Variants in DECR1 observed in about 807,000 individuals in gnomAD.
DECR1 encodes the protein 2,4-dienoyl-CoA reductase [(3E)-enoyl-CoA-producing], mitochondrial.
A neutral mutation model predicts 38.8 loss-of-function variants in DECR1; 44 were observed. That is an observed-to-expected ratio of 1.13 (90% CI 0.89 to 1.46). The LOEUF is 1.46. Among genes scored for constraint, DECR1 ranks in the 40% most tolerant of loss-of-function variants. The probability of loss-of-function intolerance (pLI) is 0.00; values close to 1 mark genes in which losing one functional copy is unlikely to be tolerated. For synonymous variants in DECR1, 148 were observed against 135.2 expected, an observed-to-expected ratio of 1.09 and a Z score of -0.66; for missense variants, 428 against 405.5, an observed-to-expected ratio of 1.06 and a Z score of -0.48.
chr8:90,022,099 G>T (rs548546483), intron 5 of DECR1, among the ~76,000 whole-genome samples: 2 of 152,158 alleles, frequency 1.3e-5, no homozygotes, highest in Non-Finnish European at 2.9e-5. Flanking sequence ...GAAGGGTGCG[G>T]GTATTTTCTC....
intron 5 of DECR1, among the ~76,000 whole-genome samples, chr8:90,036,466 G>T (rs926245474): frequency 1.3e-5 from 2 of 152,148 alleles, no homozygotes; most frequent in Admixed American, 1.3e-4. Context: ...GCTGGAGGCA[G>T]AAGTCCCTGC....
rs761704057 is a variant in DECR1, at chr8:90,051,668, T to C, written c.886-9T>C. The C allele has an allele frequency of 6.2e-7, 1 of 1,610,326 alleles. No individual in the cohort carries two copies. Among genetic ancestry groups the C allele is most frequent in the Admixed American group, 1.7e-5 (1 of 59,690 alleles). ...TTAGTTTCAGAGTTTAAAAATTTGT[T>C]TTTTCCAGGTCATTAAATTTGACGG... is the stretch of plus-strand genomic sequence containing the variant. On this transcript the variant is annotated splice_polypyrimidine_tract_variant and intron_variant, in intron 8 of 9. Transcript: ENST00000220764.
At chr8:90,024,938 A>G (rs934333814) in intron 5 of DECR1, among the ~76,000 whole-genome samples, 3 of 152,196 alleles carry the variant, frequency 2.0e-5, no homozygotes, top group Non-Finnish European at 4.4e-5. Flanking sequence ...CTTTCTACAT[A>G]TGGCTAGCCA....
At chr8:90,024,011 T>A (rs552871241) in intron 5 of DECR1, among the ~76,000 whole-genome samples, 8 of 152,300 alleles carry the variant, frequency 5.3e-5, no homozygotes, top group African/African-American at 1.7e-4. Flanking sequence ...AATGATGGTT[T>A]CCAGCTCCAT....
intron 8 of DECR1, among the ~76,000 whole-genome samples, chr8:90,048,733 C>A (rs552920408): frequency 6.6e-6 from 1 of 151,898 alleles, no homozygotes; most frequent in African/African-American, 2.4e-5. Flanking sequence ...GATACAACAA[C>A]AAAAAAAGAG....
At chr8:90,041,449 A>G (rs1368756009) in intron 6 of DECR1, among the ~76,000 whole-genome samples, 2 of 152,150 alleles carry the variant, frequency 1.3e-5, no homozygotes, top group Non-Finnish European at 2.9e-5. Flanking sequence ...CTCTGATGAT[A>G]GTTTCTTTTG....
chr8:90,036,027 G>A (rs2130124422), intron 5 of DECR1, among the ~76,000 whole-genome samples: 1 of 152,160 alleles, frequency 6.6e-6, no homozygotes, highest in South Asian at 2.1e-4. Flanking sequence ...TCTGGGAATT[G>A]CATCACTTAC....
chr8:90,019,067 T>A lies in DECR1; in HGVS notation c.331-19T>A, dbSNP rs757950234. ...TTAAGAAAGCTGGAAAATGTCATAT[T>A]CTTTTTGTTATTTTGCAGGTTCATG... On this transcript the variant is annotated intron_variant, in intron 3 of 9. Coordinates refer to ENST00000220764, the MANE Select transcript of DECR1 (RefSeq NM_001359.2). 6.2e-7 allele frequency: 1 copy of A among 1,612,222 alleles called. No homozygotes were observed. Among genetic ancestry groups the A allele is most frequent in the Non-Finnish European group, 8.5e-7 (1 of 1,178,424 alleles).
intron 1 of DECR1, among the ~76,000 whole-genome samples, chr8:90,015,238 C>T (rs529819099): frequency 1.1e-4 from 17 of 152,106 alleles, no homozygotes; most frequent in Non-Finnish European, 2.4e-4. Flanking sequence ...ACTCTGAAGT[C>T]AGACAGATAC....
intron 8 of DECR1, among the ~76,000 whole-genome samples, chr8:90,046,270 C>T (rs1435019047): frequency 1.6e-4 from 24 of 152,216 alleles, no homozygotes; most frequent in Non-Finnish European, 2.2e-4. Context: ...TGGAACCCAT[C>T]GCCAGAAAGC....
chr8:90,035,764 G>A (rs895168017), intron 5 of DECR1, among the ~76,000 whole-genome samples: 6 of 151,956 alleles, frequency 3.9e-5, no homozygotes, highest in African/African-American at 1.4e-4. Context: ...GTTTGTGTCT[G>A]TGTGTATTTT....
At chr8:90,010,586 GA>G (rs776387564) in intron 1 of DECR1, among the ~76,000 whole-genome samples, 2 of 152,170 alleles carry the variant, frequency 1.3e-5, no homozygotes, top group Non-Finnish European at 2.9e-5. Context: ...CTCATCCTTT[GA>G]AAAATATGGT....
intron 7 of DECR1, among the ~76,000 whole-genome samples, chr8:90,043,407 T>C (rs1053578355): frequency 6.6e-6 from 1 of 152,210 alleles, no homozygotes; most frequent in Non-Finnish European, 1.5e-5. Context: ...TAATTATCTC[T>C]AATGTTGTTA....
chr8:90,028,355 G>GT (rs1360821929), intron 5 of DECR1, among the ~76,000 whole-genome samples: 1 of 151,770 alleles, frequency 6.6e-6, no homozygotes. Context: ...CATTTTGATT[G>GT]TATCTAGATA....
At chr8:90,005,394 G>A (rs1171264746) in intron 1 of DECR1, 1 of 456,170 alleles carries the variant, frequency 2.2e-6, no homozygotes, top group Non-Finnish European at 4.4e-6. Context: ...ATGTTAGGTT[G>A]GGTGTTCTTG....
At chr8:90,023,643 T>C (rs1813221563) in intron 5 of DECR1, among the ~76,000 whole-genome samples, 1 of 152,132 alleles carries the variant, frequency 6.6e-6, no homozygotes, top group East Asian at 1.9e-4. Flanking sequence ...TTATTAATTA[T>C]GATTTACCTG....
chr8:90,013,523 A>G (rs1480459667), intron 1 of DECR1, among the ~76,000 whole-genome samples: 1 of 150,410 alleles, frequency 6.6e-6, no homozygotes. Context: ...CCACCCAGTG[A>G]AAAGGGCTCA....
Position 90,052,586 on chromosome 8 carries a change from A to G in DECR1, c.*689A>G, listed in dbSNP as rs994583354. 8.5e-5 allele frequency among the ~76,000 whole-genome samples: 13 copies of G among 152,184 alleles called. No individual in the cohort carries two copies. Among genetic ancestry groups the G allele is most frequent in the Non-Finnish European group, 1.9e-4 (13 of 68,022 alleles). On this transcript the variant is annotated 3_prime_UTR_variant, in exon 10 of 10. Transcript: ENST00000220764. ...GGAGGAAGTAATTCATTCTGTCTCC[A>G]GAGTTTGGAGAATGTGATGCCTAAG... is the stretch of plus-strand genomic sequence containing the variant.
chr8:90,034,190 G>C (rs1728353780), intron 5 of DECR1, among the ~76,000 whole-genome samples: 2 of 152,140 alleles, frequency 1.3e-5, no homozygotes, highest in South Asian at 4.1e-4. Context: ...GAGAGAAAGA[G>C]AAACTAAATA....
Sources: allele counts gnomAD v4.1 joint callset (sites outside exome capture counted in the v4.1 genomes callset), GRCh38; gene constraint gnomAD v4.1.1; transcripts MANE v1.5; gene names NCBI Gene and HGNC (gene_info 2026-07-23, HGNC 2026-07-21).